MED13: variants seen among roughly 807,000 people sequenced by gnomAD.
The protein encoded by MED13 is mediator complex subunit 13.
A neutral mutation model predicts 225.2 loss-of-function variants in MED13; 23 were observed. The ratio of observed to expected loss-of-function variants is 0.10; its 90% confidence interval spans 0.07 to 0.14. The LOEUF (loss-of-function observed/expected upper bound fraction) is 0.14. Ranked by LOEUF, MED13 falls within the 10% of genes least tolerant of loss-of-function variation. The probability of loss-of-function intolerance (pLI) is 1.00; values close to 1 mark genes in which losing one functional copy is unlikely to be tolerated. For synonymous variants in MED13, 942 were observed against 889.2 expected (o/e 1.06, Z -1.06); for missense variants, 2,197 against 2,594.5 (o/e 0.85, Z 3.33).
chr17:61,977,051 C>T (rs1252604553), intron 16 of MED13, among the ~76,000 whole-genome samples: 1 of 152,140 alleles, frequency 6.6e-6, no homozygotes, highest in Non-Finnish European at 1.5e-5. Context: ...ATAAACAAAT[C>T]CAAACATCTA....
intron 2 of MED13, among the ~76,000 whole-genome samples, chr17:62,055,863 G>A (rs2080992878): frequency 6.6e-6 from 1 of 152,042 alleles, no homozygotes; most frequent in African/African-American, 2.4e-5. Context: ...AAAGTAATCA[G>A]TATTAATCTT....
At chr17:61,967,943 G>A in intron 18 of MED13, 92 bp downstream of exon 18, 2 of 913,786 alleles carry the variant, frequency 2.2e-6, no homozygotes, top group Non-Finnish European at 3.4e-6. Flanking sequence ...TCATCACTGT[G>A]TCCCAATCAA....
chr17:61,970,827 C>T (rs1449004160), intron 17 of MED13, among the ~76,000 whole-genome samples: 1 of 146,288 alleles, frequency 6.8e-6, no homozygotes. Context: ...GAGTTGGAGA[C>T]CAGCCTGGGC....
Position 61,962,847 on chromosome 17 carries a change from T to A in MED13, c.4969A>T (p.Asn1657Tyr). Residue 1657 changes from asparagine (N) to tyrosine (Y), a missense_variant, in exon 21 of 30, where the codon AAC (asparagine) becomes TAC (tyrosine). Asn to Tyr is a moderately radical substitution (Grantham distance 143). This residue lies in a region of MED13 where 457 missense variants were observed against 442.2 expected (regional missense o/e 1.03). Transcript: ENST00000397786. Reference sequence around the variant, plus strand: ...CCCAATGTCCACACACTAGAAGAGTTAGTGCTCTCGTCTGTATTTTCGTAT... The same window carrying A: ...CCCAATGTCCACACACTAGAAGAGTAAGTGCTCTCGTCTGTATTTTCGTAT... ...FTYENTDEST[N>Y]SSSVWTLGLL... is the part of the protein sequence containing the mutation. The A allele has an allele frequency of 6.2e-7, 1 of 1,614,086 alleles. No homozygotes were observed. Among genetic ancestry groups the A allele is most frequent in the Non-Finnish European group, 8.5e-7 (1 of 1,179,978 alleles).
chr17:61,969,373 T>A (rs572553086), intron 17 of MED13, among the ~76,000 whole-genome samples: 1 of 151,250 alleles, frequency 6.6e-6, no homozygotes, highest in African/African-American at 2.4e-5. Context: ...AAACAAAAAA[T>A]TGGCATAAAA....
chr17:62,026,505 T>C (rs111839046), intron 8 of MED13, among the ~76,000 whole-genome samples: 8 of 144,542 alleles, frequency 5.5e-5, no homozygotes, highest in African/African-American at 1.8e-4. Context: ...AGACTGTAGC[T>C]GGAAGCACTC....
chr17:61,996,989 C>T (rs2080352319), intron 9 of MED13, among the ~76,000 whole-genome samples: 1 of 152,136 alleles, frequency 6.6e-6, no homozygotes, highest in African/African-American at 2.4e-5. Flanking sequence ...CTATCTTGTA[C>T]TTTGAAATAA....
At chr17:62,029,827 G>A in intron 7 of MED13, 24 bp downstream of exon 7, 3 of 1,566,616 alleles carry the variant, frequency 1.9e-6, no homozygotes, top group Non-Finnish European at 1.7e-6. Flanking sequence ...TGCAATTTTT[G>A]AACTTATAAA....
intron 8 of MED13, among the ~76,000 whole-genome samples, chr17:62,011,673 A>G (rs935931826): frequency 2.0e-5 from 3 of 152,172 alleles, no homozygotes; most frequent in African/African-American, 7.2e-5. Flanking sequence ...ACAATCCTAC[A>G]GCAACTGGCC....
In MED13 at chr17:61,962,850, T is replaced by A. The variant is rs766003685; in HGVS notation, c.4966A>T (p.Thr1656Ser). ...AATGTCCACACACTAGAAGAGTTAG[T>A]GCTCTCGTCTGTATTTTCGTATGTA... ...PFTYENTDES[T>S]NSSSVWTLGL... Residue 1656 changes from threonine (T) to serine (S), a missense_variant, in exon 21 of 30, where the codon ACT becomes TCT. By Grantham distance (58) the Thr-to-Ser change is moderately conservative (BLOSUM62 1). This residue lies in a region of MED13 where 457 missense variants were observed against 442.2 expected (regional missense o/e 1.03). Coordinates refer to ENST00000397786, the MANE Select transcript of MED13 (RefSeq NM_005121.3). The A allele has an allele frequency of 6.8e-6, 11 of 1,614,136 alleles. No individual in the cohort carries two copies. Among genetic ancestry groups the A allele is most frequent in the Non-Finnish European group, 9.3e-6 (11 of 1,180,018 alleles).
At chr17:62,056,839 T>C (rs1217961581) in intron 2 of MED13, among the ~76,000 whole-genome samples, 6 of 152,238 alleles carry the variant, frequency 3.9e-5, no homozygotes, top group Non-Finnish European at 5.9e-5. Context: ...TTCTTAGTAC[T>C]TTTCTGTTAC....
At chr17:61,963,286 G>T (rs888311572) in intron 20 of MED13, among the ~76,000 whole-genome samples, 1 of 121,160 alleles carries the variant, frequency 8.3e-6, no homozygotes, top group Admixed American at 8.6e-5. Context: ...AGATACAAAA[G>T]ATGGCTTAGA....
intron 8 of MED13, chr17:62,029,205 T>G (rs185419015): frequency 5.0e-6 from 1 of 199,530 alleles, no homozygotes; most frequent in Admixed American, 5.9e-5. Flanking sequence ...GGTAGTGCCA[T>G]TGAGGAAGGA....
chr17:61,968,275 T>A lies in MED13; in HGVS notation c.3968-17A>T. ...CATCAGTTCCTAAATAAGAAAGATG[T>A]ATTTTAAGAAAACACTTAAAAACAA... On this transcript the variant is annotated splice_polypyrimidine_tract_variant and intron_variant, in intron 17 of 29. Transcript: ENST00000397786. 1 of 1,550,218 alleles carries A rather than the reference T, an allele frequency of 6.5e-7. No homozygotes were observed. Among genetic ancestry groups the A allele is most frequent in the Non-Finnish European group, 8.8e-7 (1 of 1,140,028 alleles).
At chr17:61,994,153 C>T (rs2080327970) in intron 10 of MED13, among the ~76,000 whole-genome samples, 1 of 151,960 alleles carries the variant, frequency 6.6e-6, no homozygotes, top group Admixed American at 6.6e-5. Context: ...CGCCCGCCAT[C>T]GCACCCAGCT....
rs182539637 is a variant in MED13, at chr17:62,044,427, G to C, written c.470+8110C>G. 2.4e-4 allele frequency among the ~76,000 whole-genome samples: 36 copies of C among 152,216 alleles called. No individual in the cohort carries two copies. The East Asian group carries it at 6.6e-3, about 28-fold the overall frequency. Reference sequence around the variant, plus strand: ...CCTTTCCTTCCTGTGAACTTTTACTGCTTTATCCCACAAAATCAAAAATTT... The same window carrying C: ...CCTTTCCTTCCTGTGAACTTTTACTCCTTTATCCCACAAAATCAAAAATTT... On this transcript the variant is annotated intron_variant, in intron 3 of 29. Coordinates refer to ENST00000397786, the MANE Select transcript of MED13 (RefSeq NM_005121.3).
intron 12 of MED13, among the ~76,000 whole-genome samples, chr17:61,985,293 C>T (rs1018522796): frequency 1.5e-4 from 23 of 152,060 alleles, no homozygotes; most frequent in Non-Finnish European, 2.9e-5. Flanking sequence ...TTTGGTAAGC[C>T]TCCAAATTAA....
chr17:62,017,559 A>G (rs995468926), intron 8 of MED13, among the ~76,000 whole-genome samples: 1 of 152,188 alleles, frequency 6.6e-6, no homozygotes, highest in South Asian at 2.1e-4. Flanking sequence ...TAGCATCAAA[A>G]CAGTATCTGA....
At chr17:61,980,831 C>A (rs2080197567) in intron 16 of MED13, among the ~76,000 whole-genome samples, 1 of 151,914 alleles carries the variant, frequency 6.6e-6, no homozygotes, top group African/African-American at 2.4e-5. Flanking sequence ...CAACCTCCGC[C>A]CCCCAGGTTC....
Sources: gnomAD v4.1 joint callset for allele counts (sites outside exome capture counted in the v4.1 genomes callset) on GRCh38, gnomAD v4.1.1 for gene constraint, gnomAD v4.1.1 regional missense constraint, MANE v1.5 for transcripts, NCBI Gene and HGNC (gene_info 2026-07-23, HGNC 2026-07-21) for gene names.